Variants in SCAPER observed in about 807,000 individuals in gnomAD.
SCAPER encodes S phase cyclin A-associated protein in the endoplasmic reticulum.
SCAPER carries 98 observed loss-of-function variants against 182.2 expected under a neutral mutation model. The observed-to-expected ratio is 0.54, with a 90% CI of 0.46 to 0.64. SCAPER has a LOEUF of 0.64. SCAPER is among the 30% of genes least tolerant of loss of function. The pLI, the probability that SCAPER is intolerant of heterozygous loss-of-function variation, is 0.00. For missense variants in SCAPER, 1,432 were observed against 1,690.0 expected (o/e 0.85, Z 2.68); for synonymous variants, 605 against 564.6 (o/e 1.07, Z -1.01).
intron 17 of SCAPER, among the ~76,000 whole-genome samples, chr15:76,725,079 C>A (rs960619845): frequency 3.3e-5 from 5 of 152,076 alleles, no homozygotes; most frequent in African/African-American, 1.2e-4. Context: ...CTCCACCCCC[C>A]AATAAATGGT....
At position 76,590,187 on chromosome 15, in the gene SCAPER, A is replaced by G. The variant is rs369547843; in HGVS notation, c.2712-15903T>C. On this transcript the variant is annotated intron_variant, in intron 22 of 31. Coordinates refer to ENST00000563290, the MANE Select transcript of SCAPER (RefSeq NM_020843.4). The stretch of plus-strand genomic sequence containing the variant: ...TCTGTCTGTCCAAGTGGGAACTGCA[A>G]TTTAGTCCCGCCTCCTATCTGCCAT... 1.8e-4 allele frequency among the ~76,000 whole-genome samples: 27 copies of G among 152,296 alleles called. No homozygotes were observed. The East Asian group carries it at 3.3e-3, about 18-fold the overall frequency.
chr15:76,457,263 CTG>C (rs1397491103), intron 25 of SCAPER, among the ~76,000 whole-genome samples: 1 of 152,098 alleles, frequency 6.6e-6, no homozygotes. Context: ...AGGGGTTTCA[CTG>C]TGTTAGCCAG....
chr15:76,640,888 G>A (rs953110269), intron 21 of SCAPER, among the ~76,000 whole-genome samples: 5 of 152,168 alleles, frequency 3.3e-5, no homozygotes, highest in African/African-American at 4.8e-5. Context: ...ATGAATGGAC[G>A]TGCAGTCAGG....
At position 76,474,549 on chromosome 15, in the gene SCAPER, C is replaced by T. The variant is rs114867050; in HGVS notation, c.2955-3214G>A. Among the ~76,000 whole-genome samples the T allele has an allele frequency of 3.7e-3, 565 of 152,226 alleles. 2 individuals carry two copies. The highest frequency in any genetic ancestry group is 0.013 in the African/African-American group (525 of 41,544). On this transcript the variant is annotated intron_variant, in intron 24 of 31. Transcript: ENST00000563290. Reference sequence around the variant, plus strand: ...TTTAGCAAGTTAGTTACTAATTTCACGTAATAGCATCCATTTTTTCACCTA... The same window carrying T: ...TTTAGCAAGTTAGTTACTAATTTCATGTAATAGCATCCATTTTTTCACCTA...
rs936730112 is a variant in SCAPER, at chr15:76,858,593, A to G, written c.125-714T>C. The stretch of plus-strand genomic sequence containing the variant: ...TAATTAGCATAAGTAACTGATAGGT[A>G]GTTTTTCAATCCTCACTCTCCTCCC... On this transcript the variant is annotated intron_variant, in intron 3 of 31. Transcript: ENST00000563290. Among the ~76,000 whole-genome samples, 15 of 152,230 alleles carry G rather than the reference A, an allele frequency of 9.9e-5. 1 individual carries two copies. The highest frequency in any genetic ancestry group is 3.4e-4 in the African/African-American group (14 of 41,552).
rs1267697541 is a variant in SCAPER at position 76,744,357 on chromosome 15, C to G, written c.1866+9451G>C. On this transcript the variant is annotated intron_variant, in intron 15 of 31. Transcript: ENST00000563290. ...ATCAACAGAGTAAAAAGACAACCTA[C>G]AGAATGGGAGACAATATTTGCAAAC... 2.0e-5 allele frequency among the ~76,000 whole-genome samples: 3 copies of G among 152,220 alleles called. No individual in the cohort carries two copies. The South Asian group carries it at 6.2e-4, about 31-fold the overall frequency.
intron 20 of SCAPER, among the ~76,000 whole-genome samples, chr15:76,689,146 C>T (rs1298443631): frequency 6.6e-6 from 1 of 151,968 alleles, no homozygotes; most frequent in East Asian, 1.9e-4. Flanking sequence ...CCGCACCCAG[C>T]CCAAATGCCT....
At chr15:76,500,802 G>A (rs1445998185) in intron 24 of SCAPER, among the ~76,000 whole-genome samples, 1 of 152,030 alleles carries the variant, frequency 6.6e-6, no homozygotes, top group Non-Finnish European at 1.5e-5. Context: ...AGGTTGGGGA[G>A]GCCAAGGTGG....
At chr15:76,769,827 C>G (rs2151305634) in intron 10 of SCAPER, among the ~76,000 whole-genome samples, 1 of 152,182 alleles carries the variant, frequency 6.6e-6, no homozygotes, top group South Asian at 2.1e-4. Context: ...CTAGAAATAC[C>G]ATTTGACCCA....
intron 24 of SCAPER, among the ~76,000 whole-genome samples, chr15:76,490,254 C>T (rs975513254): frequency 1.3e-5 from 2 of 152,132 alleles, no homozygotes; most frequent in African/African-American, 4.8e-5. Context: ...ATTTTGGATT[C>T]CAACGAAGAG....
At chr15:76,460,882 C>A (rs1219503857) in intron 25 of SCAPER, among the ~76,000 whole-genome samples, 1 of 152,086 alleles carries the variant, frequency 6.6e-6, no homozygotes, top group Admixed American at 6.6e-5. Context: ...TAATATCCTA[C>A]ACAACTACAG....
intron 17 of SCAPER, among the ~76,000 whole-genome samples, chr15:76,716,169 C>T (rs1044937207): frequency 1.3e-5 from 2 of 152,104 alleles, no homozygotes; most frequent in African/African-American, 2.4e-5. Flanking sequence ...CTCCTACAGC[C>T]CAGACCACTA....
chr15:76,653,464 T>C lies in SCAPER; in HGVS notation c.2645+12189A>G, dbSNP rs534036722. ...AATCACACTACCCAACTTCAAGCTA[T>C]ACTATAAAGCCACAGTAAACAAAAT... On this transcript the variant is annotated intron_variant, in intron 21 of 31. Transcript: ENST00000563290. Among the ~76,000 whole-genome samples, 6 of 152,274 alleles carry C rather than the reference T, an allele frequency of 3.9e-5. 1 individual carries two copies. Among genetic ancestry groups the C allele is most frequent in the African/African-American group, 1.4e-4 (6 of 41,538 alleles).
At chr15:76,860,747 A>G (rs2071801299) in intron 3 of SCAPER, among the ~76,000 whole-genome samples, 1 of 152,198 alleles carries the variant, frequency 6.6e-6, no homozygotes, top group Non-Finnish European at 1.5e-5. Flanking sequence ...TGTAAAAAAG[A>G]TAAAGATTTA....
chr15:76,704,982 G>C (rs1344654506), intron 18 of SCAPER, among the ~76,000 whole-genome samples: 1 of 152,188 alleles, frequency 6.6e-6, no homozygotes, highest in African/African-American at 2.4e-5. Flanking sequence ...GTGGAAGTCA[G>C]TGTGGCGATT....
intron 2 of SCAPER, among the ~76,000 whole-genome samples, chr15:76,863,385 C>A (rs1192137102): frequency 2.0e-5 from 3 of 152,172 alleles, no homozygotes; most frequent in African/African-American, 4.8e-5. Context: ...GCCCAAAATC[C>A]CAGTCCAATT....
At chr15:76,377,724 G>A (rs1365381311) in intron 28 of SCAPER, among the ~76,000 whole-genome samples, 1 of 152,314 alleles carries the variant, frequency 6.6e-6, no homozygotes, top group East Asian at 1.9e-4. Flanking sequence ...GGTATACAAT[G>A]AAATGGAACC....
At chr15:76,597,075 C>T (rs1462270554) in intron 22 of SCAPER, among the ~76,000 whole-genome samples, 1 of 120,778 alleles carries the variant, frequency 8.3e-6, no homozygotes, top group African/African-American at 2.5e-5. Flanking sequence ...GTCTAAGCCC[C>T]AAATCTCCTT....
At chr15:76,372,191 T>C (rs1197829956) in intron 29 of SCAPER, among the ~76,000 whole-genome samples, 1 of 152,162 alleles carries the variant, frequency 6.6e-6, no homozygotes, top group Admixed American at 6.5e-5. Context: ...GTCTGGCTTT[T>C]TTCACTTTTC....
Sources: gnomAD v4.1 joint callset for allele counts (sites outside exome capture counted in the v4.1 genomes callset) on GRCh38, gnomAD v4.1.1 for gene constraint, MANE v1.5 for transcripts, NCBI Gene and HGNC (gene_info 2026-07-23, HGNC 2026-07-21) for gene names.